The following ARR3 variants were observed in gnomAD, a reference collection of about 807,000 sequenced individuals.
The protein encoded by ARR3 is arrestin-C.
In ARR3, 14 loss-of-function variants were observed where a neutral mutation model predicts 35.4. The observed-to-expected ratio is 0.40, with a 90% CI of 0.26 to 0.62. The LOEUF is 0.62. ARR3 is among the 20% of genes least tolerant of loss of function. ARR3 has a pLI of 0.46. For synonymous variants in ARR3, 97 were observed against 119.1 expected (o/e 0.81, Z 1.21); for missense variants, 259 against 303.8 (o/e 0.85, Z 1.10).
chrX:70,273,214 C>CTTTTTTT (rs59650423), intron 5 of ARR3, among the ~76,000 whole-genome samples: 15 of 41,628 alleles, frequency 3.6e-4, no homozygotes, highest in East Asian at 2.3e-3. Flanking sequence ...GAAAGGATTC[C>CTTTTTTT]TTTTTTTTTT....
At chrX:70,277,821 C>A in intron 10 of ARR3, 21 bp downstream of exon 10, 1 of 1,174,303 alleles carries the variant, frequency 8.5e-7, no homozygotes, top group Non-Finnish European at 1.2e-6. Context: ...TTTCCCATCC[C>A]TGTGCACCTG....
Position 70,281,764 on chromosome X carries a change from T to C in ARR3, c.1165T>C (p.Ter389ArgextTer?). The C allele has an allele frequency of 8.6e-7, 1 of 1,169,371 alleles. No individual in the cohort carries two copies. The highest frequency in any genetic ancestry group is 1.1e-6 in the Non-Finnish European group (1 of 872,522). The change falls in exon 17 of 17, where the codon TGA (stop) becomes CGA (arginine). Residue 389 changes from the stop codon to arginine, a stop_lost. Coordinates refer to ENST00000307959, the MANE Select transcript of ARR3 (RefSeq NM_004312.3). ...GGAGGCTGAGGGAGATGAGGGGAGC[T>C]GAGCACCTCGCTCTGGTGCCCGTCT... The part of the protein sequence containing the change: ...AVEAEGDEGS[*>R]
At chrX:70,273,756 G>A (rs932112232) in intron 5 of ARR3, among the ~76,000 whole-genome samples, 1 of 111,823 alleles carries the variant, frequency 8.9e-6, no homozygotes. Flanking sequence ...TTATTGACAG[G>A]TGTAATAACT....
intron 16 of ARR3, 190 bp downstream of exon 16, chrX:70,281,298 C>G: frequency 4.1e-6 from 2 of 491,168 alleles, no homozygotes; most frequent in Non-Finnish European, 6.8e-6. Flanking sequence ...TGCATCCCCC[C>G]GCCCTCCACC....
intron 16 of ARR3, 166 bp downstream of exon 16, chrX:70,281,274 C>T (rs2085682816): frequency 1.7e-6 from 1 of 579,700 alleles, no homozygotes; most frequent in African/African-American, 2.3e-5. Context: ...TTCATATGCC[C>T]TCCTTTCCCT....
rs141563427 is a variant in ARR3, at chrX:70,269,282, T to C, written c.-30-74T>C. 362 of 1,071,098 alleles carry C rather than the reference T, an allele frequency of 3.4e-4. 1 individual carries two copies. The East Asian group carries it at 9.8e-3, about 29-fold the overall frequency. 88.3% of individuals were successfully genotyped at this position (1,071,098 alleles called of 1,213,427 possible). ...AAGGTTACATCACACTAGGTGTATATGGATGGTATGCTGGAGTGGGGTGAG... is the reference window on the plus strand; with the variant it reads ...AAGGTTACATCACACTAGGTGTATACGGATGGTATGCTGGAGTGGGGTGAG... On this transcript the variant is annotated intron_variant, in intron 1 of 16. Transcript: ENST00000307959.
In ARR3 at chrX:70,277,697, G is replaced by A. The variant is rs776446658; in HGVS notation, c.610-19G>A. 2.5e-5 allele frequency: 30 copies of A among 1,201,555 alleles called. No homozygotes were observed. The highest frequency in any genetic ancestry group is 3.0e-5 in the Non-Finnish European group (27 of 889,045). On this transcript the variant is annotated intron_variant, in intron 9 of 16. Transcript: ENST00000307959. Reference sequence around the variant, plus strand: ...TATTCGTCCTCCAGCCTTGACATGGGTCCCCGCTCCTGCTTTAGGTTCACT... The same window carrying A: ...TATTCGTCCTCCAGCCTTGACATGGATCCCCGCTCCTGCTTTAGGTTCACT...
chrX:70,277,772 C>A lies in ARR3; in HGVS notation c.666C>A (p.Asn222Lys), dbSNP rs149288933. The part of the protein sequence containing the change: ...SVNVSINNCT[N>K]KVIKKIKISV... ...ATGTTTCTATCAACAACTGCACCAACAAGGTCATCAAAAAAATCAAGATTT... is the reference window on the plus strand; with the variant it reads ...ATGTTTCTATCAACAACTGCACCAAAAAGGTCATCAAAAAAATCAAGATTT... Residue 222 changes from asparagine (N) to lysine (K), a missense_variant, in exon 10 of 17, where the codon AAC (asparagine) becomes AAA (lysine). Physicochemically the swap from Asn to Lys is moderately conservative, Grantham distance 94 (BLOSUM62 0). Transcript: ENST00000307959. The A allele has an allele frequency of 1.2e-4, 139 of 1,207,973 alleles. No homozygotes were observed. The highest frequency in any genetic ancestry group is 1.4e-4 in the Non-Finnish European group (127 of 893,825).
In ARR3 at chrX:70,280,527, G is replaced by A. The variant is rs147507263; in HGVS notation, c.990-32G>A. 5.6e-3 allele frequency: 6,585 copies of A among 1,178,815 alleles called. 34 individuals are homozygous for A. The Middle Eastern group carries it at 0.057, about 10-fold the overall frequency. ...CTAGGTTGCCCCTTCTCTATTTCCC[G>A]CTGCTAATTTTGGGTGTCATTCTAC... On this transcript the variant is annotated intron_variant, in intron 13 of 16. Transcript: ENST00000307959.
intron 15 of ARR3, 97 bp from the exon 16 acceptor site, chrX:70,281,002 T>TGG (rs35570675): frequency 0.025 from 19,399 of 770,667 alleles, 155 homozygotes; most frequent in African/African-American, 0.046. Context: ...ATTGGGAAGT[T>TGG]GGGGGGGGGG....
rs1346037901 is a variant in ARR3 at position 70,277,425 on chromosome X, C to A, written c.505C>A (p.Gln169Lys). 6.6e-6 allele frequency: 8 copies of A among 1,210,008 alleles called. No homozygotes were observed. The highest frequency in any genetic ancestry group is 8.9e-6 in the Non-Finnish European group (8 of 895,199). ...TGTGCGGCTGGTTGTCCGGAAAGTA[C>A]AATTTGCACCACCGGAGGCAGGCCC... ...DYVRLVVRKV[Q>K]FAPPEAGPGP... Residue 169 changes from glutamine (Q) to lysine (K), a missense_variant, in exon 9 of 17, where the codon CAA becomes AAA. By Grantham distance (53) the Gln-to-Lys change is moderately conservative. Transcript: ENST00000307959.
chrX:70,270,672 T>A (rs903247498), intron 5 of ARR3, among the ~76,000 whole-genome samples: 27 of 107,878 alleles, frequency 2.5e-4, no homozygotes, highest in Non-Finnish European at 4.4e-4. Context: ...ATTATAAACT[T>A]TTTTTTTTTT....
rs150031276 is a variant in ARR3 at position 70,281,716 on chromosome X, G to A, written c.1117G>A (p.Glu373Lys). 7 of 1,186,049 alleles carry A rather than the reference G, an allele frequency of 5.9e-6. No individual in the cohort carries two copies. The highest frequency in any genetic ancestry group is 3.7e-5 in the South Asian group (2 of 53,481). ...CATCGAGGAGTTTACGCGGAAAGGC[G>A]AGGAGGAGAGCCAGAAGGCTGTGGA... Reference protein sequence around the residue: ...IVIEEFTRKGEEESQKAVEAE... With the variant: ...IVIEEFTRKGKEESQKAVEAE... The change falls in exon 17 of 17, where the codon GAG becomes AAG. Residue 373 changes from glutamate (E) to lysine (K), a missense_variant. Transcript: ENST00000307959.
chrX:70,278,716 G>A (rs1435575428), intron 12 of ARR3, 75 bp downstream of exon 12: 13 of 1,129,104 alleles, frequency 1.2e-5, no homozygotes, highest in Non-Finnish European at 1.5e-5. Context: ...ACAGCTCTGA[G>A]GTTTCATGTT....
rs1323184329 is a variant in ARR3, at chrX:70,281,080, G to A, written c.1067-19G>A. 5.0e-6 allele frequency: 6 copies of A among 1,204,528 alleles called. No individual in the cohort carries two copies. The highest frequency in any genetic ancestry group is 3.6e-5 in the African/African-American group (2 of 55,664). ...AGCTTCAGCTCCATTTTTTCCCTCCGTCTCCATGCTTGCTACAGAGGCCGC... is the reference window on the plus strand; with the variant it reads ...AGCTTCAGCTCCATTTTTTCCCTCCATCTCCATGCTTGCTACAGAGGCCGC... On this transcript the variant is annotated intron_variant, in intron 15 of 16. Transcript: ENST00000307959.
In ARR3 at chrX:70,277,427, A is replaced by T; in HGVS notation, c.507A>T (p.Gln169His). Residue 169 changes from glutamine (Q) to histidine (H), a missense_variant, in exon 9 of 17, where the codon CAA (glutamine) becomes CAT (histidine). Transcript: ENST00000307959. ...DYVRLVVRKV[Q>H]FAPPEAGPGP... Reference sequence around the variant, plus strand: ...TGCGGCTGGTTGTCCGGAAAGTACAATTTGCACCACCGGAGGCAGGCCCTG... The same window carrying T: ...TGCGGCTGGTTGTCCGGAAAGTACATTTTGCACCACCGGAGGCAGGCCCTG... The T allele has an allele frequency of 2.5e-6, 3 of 1,211,267 alleles. No homozygotes were observed. The highest frequency in any genetic ancestry group is 3.4e-6 in the Non-Finnish European group (3 of 895,368).
At chrX:70,279,201 G>T (rs2085668090) in intron 12 of ARR3, among the ~76,000 whole-genome samples, 1 of 112,522 alleles carries the variant, frequency 8.9e-6, no homozygotes, top group East Asian at 2.8e-4. Flanking sequence ...AAAGGAAAAT[G>T]ATGCAACAGG....
intron 11 of ARR3, 84 bp downstream of exon 11, chrX:70,278,222 T>C: frequency 1.2e-6 from 1 of 858,369 alleles, no homozygotes; most frequent in Non-Finnish European, 1.7e-6. Flanking sequence ...GGGGGTAGAG[T>C]GGGGGAGAAG....
Position 70,277,474 on chromosome X carries a change from G to A in ARR3, c.554G>A (p.Arg185His), listed in dbSNP as rs777141143. ...CCTGGCCCCTCAGCCCAGACCATCC[G>A]CCGCTTCCTTCTGTCAGCTCAGCCC... The part of the protein sequence containing the change: ...AGPGPSAQTI[R>H]RFLLSAQPLQ... The change falls in exon 9 of 17, where the codon CGC becomes CAC. Residue 185 changes from arginine (R) to histidine (H), a missense_variant. Coordinates refer to ENST00000307959, the MANE Select transcript of ARR3 (RefSeq NM_004312.3). 66 of 1,209,711 alleles carry A rather than the reference G, an allele frequency of 5.5e-5. No individual in the cohort carries two copies. In the Admixed American group the frequency reaches 1.2e-3, roughly 22 times the overall value.
Sources: gnomAD v4.1 joint callset for allele counts (sites outside exome capture counted in the v4.1 genomes callset) on GRCh38, gnomAD v4.1.1 for gene constraint, MANE v1.5 for transcripts, NCBI Gene and HGNC (gene_info 2026-07-23, HGNC 2026-07-21) for gene names.